JAK1: variants seen among roughly 807,000 people sequenced by gnomAD.
JAK1 encodes tyrosine-protein kinase JAK1.
Under a neutral mutation model 136.6 loss-of-function variants are expected in JAK1, and 16 were observed. The ratio of observed to expected loss-of-function variants is 0.12; its 90% CI spans 0.08 to 0.18. The LOEUF (loss-of-function observed/expected upper bound fraction) is 0.18, where lower values mean the gene tolerates loss of function less well. JAK1 is among the 10% of genes least tolerant of loss of function. The probability of loss-of-function intolerance (pLI) is 1.00; values close to 1 mark genes in which losing one functional copy is unlikely to be tolerated. For missense variants in JAK1, 859 were observed against 1,450.1 expected, an observed-to-expected ratio of 0.59 and a Z score of 6.62; for synonymous variants, 492 against 519.5, an observed-to-expected ratio of 0.95 and a Z score of 0.72.
chr1:64,879,546 C>T (rs1254005389), intron 3 of JAK1, among the ~76,000 whole-genome samples: 3 of 152,154 alleles, frequency 2.0e-5, no homozygotes, highest in East Asian at 1.9e-4. Context: ...TTGGGGAAAT[C>T]TTCCATCTGT....
intron 4 of JAK1, among the ~76,000 whole-genome samples, chr1:64,878,419 G>T (rs1197377714): frequency 6.6e-6 from 1 of 151,938 alleles, no homozygotes; most frequent in Non-Finnish European, 1.5e-5. Flanking sequence ...AATCCTCAAG[G>T]AGTAGTCAAA....
chr1:65,030,000 C>T (rs540281695), intron 2 of JAK1, among the ~76,000 whole-genome samples: 3 of 151,978 alleles, frequency 2.0e-5, no homozygotes, highest in Non-Finnish European at 4.4e-5. Flanking sequence ...TTCCCCCACA[C>T]CAAAATCCGT....
intron 1 of JAK1, among the ~76,000 whole-genome samples, chr1:65,051,184 GTTTT>G (rs34684205): frequency 1.9e-4 from 28 of 147,942 alleles, no homozygotes; most frequent in African/African-American, 6.5e-4. Flanking sequence ...GGTATGTCAG[GTTTT>G]TTTTTTTTTA....
intron 2 of JAK1, among the ~76,000 whole-genome samples, chr1:65,030,620 C>T (rs1647014561): frequency 6.6e-6 from 1 of 152,016 alleles, no homozygotes; most frequent in African/African-American, 2.4e-5. Flanking sequence ...GCAACCTCCA[C>T]CTCCCGGGTT....
chr1:64,833,698 T>G lies in JAK1; in HGVS notation c.*864A>C, dbSNP rs1654282502. The G allele has an allele frequency of 8.6e-6, 2 of 233,088 alleles. No homozygotes were observed. Among genetic ancestry groups the G allele is most frequent in the Middle Eastern group, 1.3e-3 (1 of 784 alleles). The allele number at this position is 233,088 out of a possible 1,614,324, so 14.4% of individuals were successfully genotyped here. ...GTATGTGGTATTCAGACTGGTTGCA[T>G]ACAGCATTCAAAACCAGTGCTGGAA... is the stretch of plus-strand genomic sequence containing the variant. On this transcript the variant is annotated 3_prime_UTR_variant, in exon 25 of 25. Coordinates refer to ENST00000342505, the MANE Select transcript of JAK1 (RefSeq NM_002227.4).
intron 2 of JAK1, among the ~76,000 whole-genome samples, chr1:65,034,362 G>A (rs1647051236): frequency 6.6e-6 from 1 of 152,166 alleles, no homozygotes; most frequent in Admixed American, 6.5e-5. Context: ...CAAAAGGAAG[G>A]ATCAGGACAG....
At chr1:64,977,620 CG>C (rs1646508086) in intron 2 of JAK1, among the ~76,000 whole-genome samples, 1 of 151,846 alleles carries the variant, frequency 6.6e-6, no homozygotes, top group Admixed American at 6.6e-5. Context: ...TTAATAGAGA[CG>C]GGGGTTTCAC....
chr1:64,914,778 G>A (rs1645364035), intron 1 of JAK1, among the ~76,000 whole-genome samples: 1 of 152,090 alleles, frequency 6.6e-6, no homozygotes, highest in Admixed American at 6.5e-5. Context: ...TGGCCAGGCT[G>A]GTCTTGAACT....
chr1:65,008,411 A>G (rs571658297), intron 2 of JAK1, among the ~76,000 whole-genome samples: 10 of 152,294 alleles, frequency 6.6e-5, no homozygotes, highest in African/African-American at 2.4e-4. Flanking sequence ...TGAATGTCAA[A>G]CTAAAAGGTT....
intron 2 of JAK1, among the ~76,000 whole-genome samples, chr1:65,042,098 A>T (rs953208718): frequency 6.6e-6 from 1 of 152,054 alleles, no homozygotes; most frequent in Non-Finnish European, 1.5e-5. Flanking sequence ...AAACAAAAAA[A>T]CCCTCAAAAC....
intron 5 of JAK1, 39 bp downstream of exon 5, chr1:64,873,331 C>T (rs1266582605): frequency 1.2e-6 from 2 of 1,612,690 alleles, no homozygotes; most frequent in Non-Finnish European, 1.7e-6. Context: ...CCTCTCCCAT[C>T]CCACAAACTC....
chr1:64,876,490 G>A (rs1002192062), intron 4 of JAK1: 2 of 152,188 alleles, frequency 1.3e-5, no homozygotes, highest in Non-Finnish European at 2.9e-5. Context: ...GTAAACAGAA[G>A]ATGAGGGAGC....
chr1:64,969,633 A>C (rs1182804484), upstream of JAK1, among the ~76,000 whole-genome samples: 1 of 152,176 alleles, frequency 6.6e-6, no homozygotes, highest in Non-Finnish European at 1.5e-5. Context: ...GGGGAAGGAT[A>C]CTGAGGAAGA....
chr1:64,972,750 C>G (rs1192251487), intron 2 of JAK1: 1 of 152,364 alleles, frequency 6.6e-6, no homozygotes, highest in African/African-American at 2.4e-5. Context: ...GATCCCACCA[C>G]TGCACTCCAG....
chr1:64,857,566 G>T (rs2101059031), intron 10 of JAK1, 90 bp downstream of exon 10: 1 of 1,536,820 alleles, frequency 6.5e-7, no homozygotes, highest in South Asian at 1.2e-5. Flanking sequence ...ACCCTGCCAA[G>T]GGTGGTTCTG....
intron 7 of JAK1, among the ~76,000 whole-genome samples, chr1:64,866,295 C>A (rs1163148029): frequency 6.6e-6 from 1 of 152,204 alleles, no homozygotes; most frequent in Non-Finnish European, 1.5e-5. Flanking sequence ...TGAACCCCGT[C>A]GACGTGGGTC....
chr1:64,880,140 C>T (rs1644747180), intron 3 of JAK1, among the ~76,000 whole-genome samples: 2 of 152,224 alleles, frequency 1.3e-5, no homozygotes, highest in East Asian at 1.9e-4. Flanking sequence ...CACACCCAGG[C>T]GGGGACTCTC....
Position 64,837,964 on chromosome 1 carries a change from G to A in JAK1, c.3108C>T (p.Thr1036=), listed in dbSNP as rs17127025. 2.8e-3 allele frequency: 4,461 copies of A among 1,613,906 alleles called. 120 individuals are homozygous for A. In the African/African-American group the frequency reaches 0.053, roughly 19 times the overall value. ...KAIETDKEYY[T]VKDDRDSPVF... ...CAGGGCTGTCCCGGTCATCCTTGACGGTGTAATACTCCTTATCGGTTTCAA... is the reference window on the plus strand; with the variant it reads ...CAGGGCTGTCCCGGTCATCCTTGACAGTGTAATACTCCTTATCGGTTTCAA... The change falls in exon 22 of 25, where the codon ACC becomes ACT. Residue 1036 remains threonine (T), a synonymous_variant. Transcript: ENST00000342505.
At chr1:64,895,702 G>A (rs769504709) in intron 1 of JAK1, among the ~76,000 whole-genome samples, 2 of 152,146 alleles carry the variant, frequency 1.3e-5, no homozygotes, top group Non-Finnish European at 2.9e-5. Context: ...TCTTCAGTTG[G>A]TTACCTCCTA....
Sources: allele counts gnomAD v4.1 joint callset (sites outside exome capture counted in the v4.1 genomes callset), GRCh38; gene constraint gnomAD v4.1.1; transcripts MANE v1.5; gene names NCBI Gene and HGNC (gene_info 2026-07-23, HGNC 2026-07-21).